The following EPN1 variants were observed in gnomAD, a reference collection of about 807,000 sequenced individuals.
The protein encoded by EPN1 is epsin 1.
A neutral mutation model predicts 56.9 loss-of-function variants in EPN1; 25 were observed. The ratio of observed to expected loss-of-function variants is 0.44; its 90% CI spans 0.32 to 0.61. The LOEUF is 0.61. Among genes scored for constraint, EPN1 ranks in the 20% least tolerant of loss-of-function variants. The probability of loss-of-function intolerance (pLI) is 0.05; values close to 1 mark genes in which losing one functional copy is unlikely to be tolerated. For missense variants in EPN1, 785 were observed against 823.7 expected, an observed-to-expected ratio of 0.95 and a Z score of 0.58; for synonymous variants, 411 against 361.8, an observed-to-expected ratio of 1.14 and a Z score of -1.54.
rs1160028473 is a variant in EPN1 at position 55,701,959 on chromosome 19, CTTT to C, written c.*6621_*6623del. On this transcript the variant is annotated 3_prime_UTR_variant, in exon 11 of 11. Transcript: ENST00000270460. Reference sequence around the variant, plus strand: ...AGTCTCTAGCAGCCCCCACCCCATTCTTTTTTTTTTTTTTTTTTTTGAGATGGA... The same window carrying C: ...AGTCTCTAGCAGCCCCCACCCCATTCTTTTTTTTTTTTTTTTTGAGATGGA... 14,218 of 110,496 alleles carry C rather than the reference CTTT, an allele frequency of 0.13. 817 individuals carry two copies. Among genetic ancestry groups the C allele is most frequent in the East Asian group, 0.26 (1,043 of 4,072 alleles). 6.8% of individuals were successfully genotyped at this position (110,496 alleles called of 1,614,324 possible). A position where few individuals can be genotyped will look rare whatever the true frequency, so the allele number is the denominator to read the frequency against.
In EPN1 at chr19:55,681,116, G is replaced by A. The variant is rs561416276; in HGVS notation, c.228+2261G>A. Among the ~76,000 whole-genome samples, 5 of 152,322 alleles carry A rather than the reference G, an allele frequency of 3.3e-5. No homozygotes were observed. In the East Asian group the frequency reaches 9.7e-4, roughly 29 times the overall value. On this transcript the variant is annotated intron_variant, in intron 2 of 10. Coordinates refer to ENST00000270460, the MANE Select transcript of EPN1 (RefSeq NM_001130072.2). ...GGCCCTGCTGGCTGGCACTTTGTGG[G>A]CCTTATTGTCCCCGTGGAGAAGGAG...
Position 55,708,814 on chromosome 19 carries a change from C to T in EPN1, c.*13458C>T, listed in dbSNP as rs915063273. On this transcript the variant is annotated 3_prime_UTR_variant, in exon 11 of 11. Coordinates refer to ENST00000270460, the MANE Select transcript of EPN1 (RefSeq NM_001130072.2). Reference sequence around the variant, plus strand: ...GAGTACCTCTGAAATCACAGCCCTGCTGCCATGATGTGCAATTACAGGATA... The same window carrying T: ...GAGTACCTCTGAAATCACAGCCCTGTTGCCATGATGTGCAATTACAGGATA... The T allele has an allele frequency of 1.3e-5, 10 of 781,528 alleles. No individual in the cohort carries two copies. The East Asian group carries it at 2.9e-4, about 23-fold the overall frequency. The allele number at this position is 781,528 out of a possible 1,614,324, so 48.4% of individuals were successfully genotyped here. A position where few individuals can be genotyped will look rare whatever the true frequency, so the allele number is the denominator to read the frequency against.
Position 55,697,706 on chromosome 19 carries a change from A to G in EPN1, c.*2350A>G, listed in dbSNP as rs977034224. On this transcript the variant is annotated 3_prime_UTR_variant, in exon 11 of 11. Coordinates refer to ENST00000270460, the MANE Select transcript of EPN1 (RefSeq NM_001130072.2). ...TGTCTCCTACTTTATTCCTCTTTCTAGAATATTCCAGCCACCAAAGTGCTC... is the reference window on the plus strand; with the variant it reads ...TGTCTCCTACTTTATTCCTCTTTCTGGAATATTCCAGCCACCAAAGTGCTC... 2 of 152,070 alleles carry G rather than the reference A, an allele frequency of 1.3e-5. No homozygotes were observed. The highest frequency in any genetic ancestry group is 6.5e-5 in the Admixed American group (1 of 15,268). 9.4% of individuals were successfully genotyped at this position (152,070 alleles called of 1,614,324 possible). A position where few individuals can be genotyped will look rare whatever the true frequency, so the allele number is the denominator to read the frequency against.
chr19:55,678,678 C>T lies in EPN1; in HGVS notation c.51C>T (p.Tyr17=). 7 of 1,614,054 alleles carry T rather than the reference C, an allele frequency of 4.3e-6. No individual in the cohort carries two copies. Among genetic ancestry groups the T allele is most frequent in the Non-Finnish European group, 5.9e-6 (7 of 1,179,968 alleles). ...RRQMKNIVHN[Y]SEAEIKVREA... ...AGATGAAGAACATCGTCCACAACTA[C>T]TCAGAGGCGGAGATCAAGGTTCGAG... Residue 17 remains tyrosine (Y), a synonymous_variant, in exon 2 of 11, where the codon TAC becomes TAT. Coordinates refer to ENST00000270460, the MANE Select transcript of EPN1 (RefSeq NM_001130072.2).
chr19:55,708,840 G>C lies in EPN1; in HGVS notation c.*13484G>C. The C allele has an allele frequency of 4.7e-6, 5 of 1,060,410 alleles. No individual in the cohort carries two copies. The highest frequency in any genetic ancestry group is 5.3e-6 in the Non-Finnish European group (4 of 748,044). 65.7% of individuals were successfully genotyped at this position (1,060,410 alleles called of 1,614,324 possible). A position where few individuals can be genotyped will look rare whatever the true frequency, so the allele number is the denominator to read the frequency against. On this transcript the variant is annotated 3_prime_UTR_variant, in exon 11 of 11. Coordinates refer to ENST00000270460, the MANE Select transcript of EPN1 (RefSeq NM_001130072.2). ...TGCCATGATGTGCAATTACAGGATA[G>C]AGGTGCCAGGTGAAGGTCCCACTGT... is the stretch of plus-strand genomic sequence containing the variant.
Position 55,702,179 on chromosome 19 carries a change from T to TC in EPN1, c.*6825dup, listed in dbSNP as rs1490604474. On this transcript the variant is annotated 3_prime_UTR_variant, in exon 11 of 11. Coordinates refer to ENST00000270460, the MANE Select transcript of EPN1 (RefSeq NM_001130072.2). ...TTTCACCATGTTGGTCAGGCTGGTC[T>TC]CCAACTCCTGACCTCAAGTGATCCG... 1 of 151,828 alleles carries TC rather than the reference T, an allele frequency of 6.6e-6. No homozygotes were observed. Among genetic ancestry groups the TC allele is most frequent in the Non-Finnish European group, 1.5e-5 (1 of 68,020 alleles). The allele number at this position is 151,828 out of a possible 1,614,324, so 9.4% of individuals were successfully genotyped here.
chr19:55,681,347 A>G (rs1472810258), intron 2 of EPN1, among the ~76,000 whole-genome samples: 1 of 152,194 alleles, frequency 6.6e-6, no homozygotes, highest in African/African-American at 2.4e-5. Flanking sequence ...ACTGAGACAT[A>G]AAGGAGCTCA....
At chr19:55,677,815 C>T in intron 1 of EPN1, 1 of 1,423,136 alleles carries the variant, frequency 7.0e-7, no homozygotes, top group South Asian at 1.6e-5. Context: ...GCTGTGGATT[C>T]CTGCCCCCTC....
In EPN1 at chr19:55,703,278, C is replaced by CTG. The variant is rs113664363; in HGVS notation, c.*7936_*7937dup. 14,158 of 151,388 alleles carry CTG rather than the reference C, an allele frequency of 0.094. 793 individuals are homozygous for CTG. The highest frequency in any genetic ancestry group is 0.16 in the East Asian group (840 of 5,118). The allele number at this position is 151,388 out of a possible 1,614,324, so 9.4% of individuals were successfully genotyped here. A position where few individuals can be genotyped will look rare whatever the true frequency, so the allele number is the denominator to read the frequency against. On this transcript the variant is annotated 3_prime_UTR_variant, in exon 11 of 11. Coordinates refer to ENST00000270460, the MANE Select transcript of EPN1 (RefSeq NM_001130072.2). ...GTGCCCTCAACCAAGGAGATAGCTGCTGTGTGTGTGTGTGTTGTGTGTGGT... is the reference window on the plus strand; with the variant it reads ...GTGCCCTCAACCAAGGAGATAGCTGCTGTGTGTGTGTGTGTGTTGTGTGTGGT...
intron 3 of EPN1, among the ~76,000 whole-genome samples, chr19:55,687,272 G>A (rs1343191954): frequency 2.6e-5 from 4 of 152,150 alleles, no homozygotes; most frequent in African/African-American, 9.7e-5. Flanking sequence ...GGAGTGAGTT[G>A]TGTGGAGGGC....
At chr19:55,685,182 C>T (rs1173029945) in intron 2 of EPN1, among the ~76,000 whole-genome samples, 2 of 152,268 alleles carry the variant, frequency 1.3e-5, no homozygotes, top group Admixed American at 6.5e-5. Flanking sequence ...AGCGCAGTAC[C>T]TCCGCGGCTG....
At position 55,678,806 on chromosome 19, in the gene EPN1, T is replaced by C; in HGVS notation, c.179T>C (p.Ile60Thr). The change falls in exon 2 of 11, where the codon ATC becomes ACC. Residue 60 changes from isoleucine to threonine, a missense_variant. Physicochemically the swap from Ile to Thr is moderately conservative, Grantham distance 89. This residue lies in a region of EPN1 where 135 missense variants were observed against 218.7 expected (regional missense o/e 0.62). Transcript: ENST00000270460. Reference sequence around the variant, plus strand: ...GCCTTCTCGGAGATCATGAGCATGATCTGGAAGCGGCTCAATGACCATGGC... The same window carrying C: ...GCCTTCTCGGAGATCATGAGCATGACCTGGAAGCGGCTCAATGACCATGGC... ...VVAFSEIMSM[I>T]WKRLNDHGKN... The C allele has an allele frequency of 6.2e-7, 1 of 1,614,050 alleles. No homozygotes were observed. Among genetic ancestry groups the C allele is most frequent in the Non-Finnish European group, 8.5e-7 (1 of 1,179,966 alleles).
intron 2 of EPN1, among the ~76,000 whole-genome samples, chr19:55,681,594 T>C (rs1985823056): frequency 6.6e-6 from 1 of 152,100 alleles, no homozygotes; most frequent in South Asian, 2.1e-4. Context: ...AGACAGAGAG[T>C]ATATGGCCTG....
intron 2 of EPN1, among the ~76,000 whole-genome samples, chr19:55,681,027 C>G (rs938833307): frequency 6.6e-6 from 1 of 152,200 alleles, no homozygotes; most frequent in Non-Finnish European, 1.5e-5. Flanking sequence ...GGTGGCCTGC[C>G]GAGGCTCGTG....
Position 55,705,808 on chromosome 19 carries a change from G to GATATATATATATATATATATATATGT in EPN1, c.*10472_*10473insATATGTATATATATATATATATATAT. 1.9e-5 allele frequency: 2 copies of GATATATATATATATATATATATATGT among 103,170 alleles called. No homozygotes were observed. Among genetic ancestry groups the GATATATATATATATATATATATATGT allele is most frequent in the South Asian group, 2.9e-4 (1 of 3,424 alleles). 6.4% of individuals were successfully genotyped at this position (103,170 alleles called of 1,614,324 possible). ...GTGGCTGGAATATTTGTTGTTGTGG[G>GATATATATATATATATATATATATGT]ATATATATATATATATATATTTAGA... is the stretch of plus-strand genomic sequence containing the variant. On this transcript the variant is annotated 3_prime_UTR_variant, in exon 11 of 11. Transcript: ENST00000270460.
At position 55,678,666 on chromosome 19, in the gene EPN1, C is replaced by G; in HGVS notation, c.39C>G (p.Ile13Met). Residue 13 changes from isoleucine to methionine, a missense_variant, in exon 2 of 11, where the codon ATC becomes ATG. Physicochemically the swap from Ile to Met is conservative, Grantham distance 10 (BLOSUM62 1). This residue lies in a region of EPN1 where 135 missense variants were observed against 218.7 expected (regional missense o/e 0.62). Coordinates refer to ENST00000270460, the MANE Select transcript of EPN1 (RefSeq NM_001130072.2). ...TSSLRRQMKN[I>M]VHNYSEAEIK... ...CCTTGAGGCGCCAGATGAAGAACAT[C>G]GTCCACAACTACTCAGAGGCGGAGA... 1 of 1,613,734 alleles carries G rather than the reference C, an allele frequency of 6.2e-7. No homozygotes were observed. The highest frequency in any genetic ancestry group is 8.5e-7 in the Non-Finnish European group (1 of 1,179,850).
chr19:55,704,487 A>G lies in EPN1; in HGVS notation c.*9131A>G, dbSNP rs1457340828. The G allele has an allele frequency of 2.0e-5, 3 of 152,254 alleles. No individual in the cohort carries two copies. Among genetic ancestry groups the G allele is most frequent in the African/African-American group, 7.2e-5 (3 of 41,450 alleles). The allele number at this position is 152,254 out of a possible 1,614,324, so 9.4% of individuals were successfully genotyped here. ...AGACAGCCGTCTGGGAGCCAAGGAG[A>G]GAGGCCTTGGCGGAAGCCAACCCTG... On this transcript the variant is annotated 3_prime_UTR_variant, in exon 11 of 11. Transcript: ENST00000270460.
At chr19:55,693,287 G>A (rs545905328) in intron 9 of EPN1, 5 of 490,420 alleles carry the variant, frequency 1.0e-5, no homozygotes, top group South Asian at 7.9e-5. Context: ...CCCGAATGTT[G>A]ACCTCTGACC....
chr19:55,681,185 C>T (rs534822988), intron 2 of EPN1, among the ~76,000 whole-genome samples: 1 of 152,310 alleles, frequency 6.6e-6, no homozygotes, highest in East Asian at 1.9e-4. Context: ...GCACGGCCTC[C>T]CTGCATGGCC....
Sources: gnomAD v4.1 joint callset for allele counts (sites outside exome capture counted in the v4.1 genomes callset) on GRCh38, gnomAD v4.1.1 for gene constraint, gnomAD v4.1.1 regional missense constraint, MANE v1.5 for transcripts, NCBI Gene and HGNC (gene_info 2026-07-23, HGNC 2026-07-21) for gene names.